The following FNIP1 variants were observed in gnomAD, a reference collection of about 807,000 sequenced individuals.
FNIP1 encodes the protein folliculin-interacting protein 1.
FNIP1 carries 40 observed loss-of-function variants against 124.5 expected under a neutral mutation model. That is an observed-to-expected ratio of 0.32 (90% CI 0.25 to 0.42). The LOEUF (loss-of-function observed/expected upper bound fraction) is 0.42. FNIP1 is among the 10% of genes least tolerant of loss of function. The probability of loss-of-function intolerance (pLI) is 1.00; values close to 1 mark genes in which losing one functional copy is unlikely to be tolerated. For missense variants in FNIP1, 1,176 were observed against 1,403.7 expected (o/e 0.84, Z 2.59); for synonymous variants, 472 against 470.6 (o/e 1.00, Z -0.04).
intron 1 of FNIP1, among the ~76,000 whole-genome samples, chr5:131,791,687 C>T (rs1278435347): frequency 1.3e-5 from 2 of 152,182 alleles, no homozygotes; most frequent in Non-Finnish European, 2.9e-5. Flanking sequence ...ATAAAATTTA[C>T]TTAAGCTGCC....
intron 2 of FNIP1, among the ~76,000 whole-genome samples, chr5:131,740,867 C>T (rs1316750412): frequency 2.6e-5 from 4 of 152,124 alleles, no homozygotes; most frequent in African/African-American, 9.7e-5. Flanking sequence ...TAAAATGCAC[C>T]AAAACCAAGA....
At position 131,647,001 on chromosome 5, in the gene FNIP1, G is replaced by A. The variant is rs545125335; in HGVS notation, c.3422+89C>T. 1.3e-4 allele frequency: 142 copies of A among 1,134,890 alleles called. No individual in the cohort carries two copies. In the African/African-American group the frequency reaches 1.4e-3, roughly 11 times the overall value. The allele number at this position is 1,134,890 out of a possible 1,614,324, so 70.3% of individuals were successfully genotyped here. ...TCCAGCTTCTAATAGGAGAAGACACGTAAAAGGAAAAAGGGCAATTCTGAG... is the reference window on the plus strand; with the variant it reads ...TCCAGCTTCTAATAGGAGAAGACACATAAAAGGAAAAAGGGCAATTCTGAG... On this transcript the variant is annotated intron_variant, in intron 17 of 17. Coordinates refer to ENST00000510461, the MANE Select transcript of FNIP1 (RefSeq NM_133372.3).
chr5:131,687,104 CTT>C (rs796325487), intron 11 of FNIP1, among the ~76,000 whole-genome samples: 3 of 133,852 alleles, frequency 2.2e-5, no homozygotes, highest in African/African-American at 2.7e-5. Context: ...GTTTGTTTGG[CTT>C]TTTTTTTTTT....
At chr5:131,726,430 G>GT (rs1769872956) in intron 3 of FNIP1, among the ~76,000 whole-genome samples, 1 of 152,136 alleles carries the variant, frequency 6.6e-6, no homozygotes, top group Admixed American at 6.5e-5. Context: ...TTGGGATGGT[G>GT]TATGTGTCCA....
chr5:131,709,885 T>C (rs889747328), intron 7 of FNIP1, among the ~76,000 whole-genome samples: 8 of 152,182 alleles, frequency 5.3e-5, no homozygotes, highest in African/African-American at 1.9e-4. Flanking sequence ...AAGGGCTAAA[T>C]TGATACCAAT....
intron 8 of FNIP1, among the ~76,000 whole-genome samples, chr5:131,706,796 G>T (rs1769128791): frequency 2.0e-5 from 3 of 152,164 alleles, no homozygotes; most frequent in Admixed American, 2.0e-4. Context: ...GACTCCAGAA[G>T]AAAATTATAC....
rs1224569197 is a variant in FNIP1, at chr5:131,644,642, T to C, written c.*43A>G. The C allele has an allele frequency of 6.5e-6, 10 of 1,545,086 alleles. No homozygotes were observed. Among genetic ancestry groups the C allele is most frequent in the Non-Finnish European group, 8.0e-6 (9 of 1,118,534 alleles). On this transcript the variant is annotated 3_prime_UTR_variant, in exon 18 of 18. Transcript: ENST00000510461. ...TGCATGTTGTGTCTGCTTCCTTGGTTTCTACCTATTTTCCCACCAATTTCT... is the reference window on the plus strand; with the variant it reads ...TGCATGTTGTGTCTGCTTCCTTGGTCTCTACCTATTTTCCCACCAATTTCT...
At chr5:131,674,342 G>A (rs1200207306) in intron 13 of FNIP1, among the ~76,000 whole-genome samples, 1 of 152,232 alleles carries the variant, frequency 6.6e-6, no homozygotes, top group Non-Finnish European at 1.5e-5. Flanking sequence ...CAGGGGAGGT[G>A]AGGGGGGCAG....
Position 131,672,291 on chromosome 5 carries a change from G to A in FNIP1, c.2153C>T (p.Thr718Ile). 1 of 1,614,144 alleles carries A rather than the reference G, an allele frequency of 6.2e-7. No homozygotes were observed. The change falls in exon 14 of 18, where the codon ACA becomes ATA. Residue 718 changes from threonine (T) to isoleucine (I), a missense_variant. Physicochemically the swap from Thr to Ile is moderately conservative, Grantham distance 89 (BLOSUM62 -1). Coordinates refer to ENST00000510461, the MANE Select transcript of FNIP1 (RefSeq NM_133372.3). ...SEKLLDSDSH[T>I]GKAMRSTGMV... ...TCCTGTGGATCTCATTGCTTTGCCT[G>A]TGTGACTGTCTGAATCCAGCAACTT...
chr5:131,677,575 GC>G, intron 13 of FNIP1, 127 bp downstream of exon 13: 1 of 846,378 alleles, frequency 1.2e-6, no homozygotes, highest in South Asian at 2.1e-5. Flanking sequence ...GAAAGGACAA[GC>G]AAAGCAGAGA....
chr5:131,718,027 CAA>C (rs34050795), intron 5 of FNIP1, among the ~76,000 whole-genome samples: 222 of 142,532 alleles, frequency 1.6e-3, no homozygotes, highest in Non-Finnish European at 1.9e-3. Context: ...ACTAAAAATA[CAA>C]AAAAAAAAAA....
chr5:131,649,583 T>C (rs1214055179), intron 16 of FNIP1, among the ~76,000 whole-genome samples: 2 of 152,176 alleles, frequency 1.3e-5, no homozygotes. Context: ...GATTTGCAAA[T>C]ATTTTCTATT....
rs367606639 is a variant in FNIP1, at chr5:131,734,892, A to T, written c.220-3854T>A. Among the ~76,000 whole-genome samples the T allele has an allele frequency of 1.5e-4, 23 of 152,332 alleles. No homozygotes were observed. The East Asian group carries it at 4.1e-3, about 27-fold the overall frequency. ...TAAACTAGTTCAACCATTGTGGAAG[A>T]CAGTGTGGCGATTTCTCAGGGATCT... is the stretch of plus-strand genomic sequence containing the variant. On this transcript the variant is annotated intron_variant, in intron 2 of 17. Coordinates refer to ENST00000510461, the MANE Select transcript of FNIP1 (RefSeq NM_133372.3).
rs756566745 is a variant in FNIP1, at chr5:131,672,563, T to C, written c.1881A>G (p.Gln627=). 4.4e-5 allele frequency: 71 copies of C among 1,614,016 alleles called. No homozygotes were observed. The East Asian group carries it at 1.5e-3, about 33-fold the overall frequency. Residue 627 remains glutamine, a synonymous_variant, in exon 14 of 18, where the codon CAA becomes CAG. Transcript: ENST00000510461. The part of the protein sequence containing the change: ...LLGQNVENIS[Q]QEREDIQNSS... ...TGTTTTGAATATCTTCTCTCTCTTG[T>C]TGTGAAATGTTCTCTACATTTTGCC...
chr5:131,772,438 TTACTG>T (rs1771670410), intron 1 of FNIP1, among the ~76,000 whole-genome samples: 2 of 139,996 alleles, frequency 1.4e-5, no homozygotes, highest in Admixed American at 7.1e-5. Context: ...AAAAAAAAAA[TTACTG>T]TAATGATCTA....
At chr5:131,733,405 C>T (rs1390707208) in intron 2 of FNIP1, among the ~76,000 whole-genome samples, 10 of 152,138 alleles carry the variant, frequency 6.6e-5, no homozygotes, top group South Asian at 2.1e-4. Context: ...TTGTTTTGTG[C>T]CAGTTTTCAA....
intron 17 of FNIP1, among the ~76,000 whole-genome samples, chr5:131,646,701 G>A (rs1766892518): frequency 6.6e-6 from 1 of 152,176 alleles, no homozygotes; most frequent in South Asian, 2.1e-4. Flanking sequence ...GGGGGAAGGA[G>A]TAATATATGG....
intron 1 of FNIP1, among the ~76,000 whole-genome samples, chr5:131,767,427 C>CAAAAAAAAAAAAA (rs139550903): frequency 4.7e-5 from 3 of 64,014 alleles, no homozygotes; most frequent in African/African-American, 1.0e-4. Context: ...GATTCTGTCT[C>CAAAAAAAAAAAAA]AAAAAAAAAA....
intron 1 of FNIP1, among the ~76,000 whole-genome samples, chr5:131,791,763 T>C (rs977938317): frequency 1.1e-4 from 16 of 152,166 alleles, no homozygotes; most frequent in African/African-American, 3.9e-4. Flanking sequence ...AAAAGACATA[T>C]TGAGATGACA....
Sources: allele counts gnomAD v4.1 joint callset (sites outside exome capture counted in the v4.1 genomes callset), GRCh38; gene constraint gnomAD v4.1.1; transcripts MANE v1.5; gene names NCBI Gene and HGNC (gene_info 2026-07-23, HGNC 2026-07-21).